The following CACNA1C variants were observed in gnomAD, a reference collection of about 807,000 sequenced individuals.
CACNA1C encodes the protein voltage-dependent L-type calcium channel subunit alpha-1C.
In CACNA1C, 30 loss-of-function variants were observed where a neutral mutation model predicts 229.0. The ratio of observed to expected loss-of-function variants is 0.13; its 90% confidence interval spans 0.10 to 0.18. CACNA1C has a LOEUF of 0.18. CACNA1C is among the 10% of genes least tolerant of loss of function. The pLI, the probability that CACNA1C is intolerant of heterozygous loss-of-function variation, is 1.00. For missense variants in CACNA1C, 1,658 were observed against 2,845.0 expected (o/e 0.58, Z 9.49); for synonymous variants, 1,114 against 1,132.5 (o/e 0.98, Z 0.33).
chr12:2,685,292 CTGA>C (rs1274803425), intron 43 of CACNA1C, among the ~76,000 whole-genome samples: 1 of 150,544 alleles, frequency 6.6e-6, no homozygotes, highest in East Asian at 1.9e-4. Context: ...TGTGCTCTTG[CTGA>C]TGAGGGGGTG....
At chr12:2,668,264 C>T (rs1054794958) in intron 37 of CACNA1C, among the ~76,000 whole-genome samples, 3 of 152,132 alleles carry the variant, frequency 2.0e-5, no homozygotes, top group Non-Finnish European at 2.9e-5. Flanking sequence ...AGTTGGGTGG[C>T]CTTCACATCC....
intron 3 of CACNA1C, among the ~76,000 whole-genome samples, chr12:2,326,693 T>TTCTCAAGGCCTGGCTGC (rs2096311486): frequency 1.3e-5 from 2 of 152,244 alleles, no homozygotes; most frequent in Admixed American, 6.5e-5. Flanking sequence ...GCCCAGCCTG[T>TTCTCAAGGCCTGGCTGC]ATTTCACCCT....
Position 2,653,948 on chromosome 12 carries a change from C to A in CACNA1C, c.4140+48C>A. 6.7e-7 allele frequency: 1 copy of A among 1,486,040 alleles called. No individual in the cohort carries two copies. The highest frequency in any genetic ancestry group is 9.4e-7 in the Non-Finnish European group (1 of 1,065,570). The allele number at this position is 1,486,040 out of a possible 1,614,324, so 92.1% of individuals were successfully genotyped here. A position where few individuals can be genotyped will look rare whatever the true frequency, so the allele number is the denominator to read the frequency against. ...GCTCCTGGCCTCCCGCTCTGTCTCTCCCCAGTTCCCAGCACCACATTCCCT... is the reference window on the plus strand; with the variant it reads ...GCTCCTGGCCTCCCGCTCTGTCTCTACCCAGTTCCCAGCACCACATTCCCT... On this transcript the variant is annotated intron_variant, in intron 33 of 46. Coordinates refer to ENST00000399655, the MANE Select transcript of CACNA1C (RefSeq NM_000719.7). This position sits in a 1 kb window ranked among gnomAD's most constrained non-coding sequence, Gnocchi z 4.7.
At chr12:2,162,140 C>T (rs1215143093) in intron 3 of CACNA1C, among the ~76,000 whole-genome samples, 1 of 152,146 alleles carries the variant, frequency 6.6e-6, no homozygotes, top group South Asian at 2.1e-4. Flanking sequence ...CTGCTCCTGT[C>T]TACCTGTCTA....
chr12:2,265,910 C>A (rs1323765639), intron 3 of CACNA1C, among the ~76,000 whole-genome samples: 1 of 152,250 alleles, frequency 6.6e-6, no homozygotes, highest in Admixed American at 6.5e-5. Context: ...TTAAAGGATC[C>A]TGTGTTATTT....
intron 9 of CACNA1C, among the ~76,000 whole-genome samples, chr12:2,521,482 C>A (rs1267028979): frequency 6.6e-6 from 1 of 152,182 alleles, no homozygotes; most frequent in Non-Finnish European, 1.5e-5. Context: ...GGGTGTGGAG[C>A]ATGAAGGCCC....
At chr12:2,062,257 A>G (rs2057767857) in intron 1 of CACNA1C, among the ~76,000 whole-genome samples, 2 of 152,234 alleles carry the variant, frequency 1.3e-5, no homozygotes, top group African/African-American at 4.8e-5. Context: ...GTGTTAGACA[A>G]TGTTCTTGGT....
intron 3 of CACNA1C, among the ~76,000 whole-genome samples, chr12:2,323,546 C>A (rs1463974431): frequency 6.6e-6 from 1 of 152,126 alleles, no homozygotes; most frequent in African/African-American, 2.4e-5. Flanking sequence ...CCACACCTAC[C>A]CCTCACCACC....
intron 3 of CACNA1C, among the ~76,000 whole-genome samples, chr12:2,389,369 T>C (rs2154548253): frequency 6.6e-6 from 1 of 152,180 alleles, no homozygotes; most frequent in Non-Finnish European, 1.5e-5. Flanking sequence ...GCGTCTGAAC[T>C]CTAGGACACT....
chr12:2,648,977 T>C (rs2094629654), intron 31 of CACNA1C, among the ~76,000 whole-genome samples: 1 of 152,148 alleles, frequency 6.6e-6, no homozygotes, highest in African/African-American at 2.4e-5. Flanking sequence ...TGTCTGTGGC[T>C]CCTAGCTTCC....
At chr12:2,471,974 T>C (rs2370517) in intron 5 of CACNA1C, among the ~76,000 whole-genome samples, 137,920 of 152,312 alleles carry the variant, frequency 0.91, 62,676 homozygotes, top group South Asian at 0.97. Context: ...CCACCATGCC[T>C]GGCCTGATAT....
intron 38 of CACNA1C, 54 bp downstream of exon 38, chr12:2,669,089 C>CA: frequency 8.1e-7 from 1 of 1,237,416 alleles, no homozygotes; most frequent in South Asian, 1.2e-5. Flanking sequence ...AGCAGACAAT[C>CA]AGAGAGGAGC....
intron 1 of CACNA1C, among the ~76,000 whole-genome samples, chr12:2,062,475 A>G (rs1038745971): frequency 1.3e-5 from 2 of 152,234 alleles, no homozygotes; most frequent in African/African-American, 4.8e-5. Flanking sequence ...GGAGAACAGT[A>G]GAAAGAGAAA....
chr12:2,344,618 G>A (rs759470034), intron 3 of CACNA1C, among the ~76,000 whole-genome samples: 30 of 152,194 alleles, frequency 2.0e-4, no homozygotes, highest in South Asian at 6.3e-4. Flanking sequence ...GGAGTCTGTG[G>A]GCTGTCCTGG....
intron 3 of CACNA1C, among the ~76,000 whole-genome samples, chr12:2,391,364 C>G (rs1221855927): frequency 1.3e-5 from 2 of 152,170 alleles, no homozygotes; most frequent in Non-Finnish European, 2.9e-5. Flanking sequence ...TGAGATGACT[C>G]AGAGAGCAAG....
chr12:2,376,347 A>G (rs1011393952), intron 3 of CACNA1C, among the ~76,000 whole-genome samples: 1 of 152,068 alleles, frequency 6.6e-6, no homozygotes, highest in African/African-American at 2.4e-5. Flanking sequence ...CTTATTGCAG[A>G]GTCCTCATAA....
chr12:2,331,391 T>C (rs2096543153), intron 3 of CACNA1C, among the ~76,000 whole-genome samples: 1 of 152,212 alleles, frequency 6.6e-6, no homozygotes, highest in Non-Finnish European at 1.5e-5. Flanking sequence ...AATATTGTGC[T>C]TTACTGAAAG....
At chr12:2,177,658 C>CTTTTTT in intron 3 of CACNA1C, among the ~76,000 whole-genome samples, 1 of 111,338 alleles carries the variant, frequency 9.0e-6, no homozygotes, top group Admixed American at 1.1e-4. Context: ...CTTTCTTTTT[C>CTTTTTT]TTTCTTCTCG....
intron 1 of CACNA1C, among the ~76,000 whole-genome samples, chr12:2,046,640 C>G (rs2051107946): frequency 6.6e-6 from 1 of 152,168 alleles, no homozygotes; most frequent in Non-Finnish European, 1.5e-5. Context: ...AATCACAAGG[C>G]TAGTCATGTT....
Sources: allele counts gnomAD v4.1 joint callset (sites outside exome capture counted in the v4.1 genomes callset), GRCh38; gene constraint gnomAD v4.1.1; non-coding constraint Gnocchi (gnomAD v3.1); transcripts MANE v1.5; gene names NCBI Gene and HGNC (gene_info 2026-07-23, HGNC 2026-07-21).